EGF: variants seen among roughly 807,000 people sequenced by gnomAD.
The protein encoded by EGF is pro-epidermal growth factor.
A neutral mutation model predicts 143.8 loss-of-function variants in EGF; 95 were observed. The ratio of observed to expected loss-of-function variants is 0.66; its 90% CI spans 0.56 to 0.78. The LOEUF (loss-of-function observed/expected upper bound fraction) is 0.78, where lower values mean the gene tolerates loss of function less well. Ranked by LOEUF, EGF falls within the 30% of genes least tolerant of loss-of-function variation. The pLI is 0.00. For missense variants in EGF, 1,320 were observed against 1,470.9 expected (o/e 0.90, Z 1.68); for synonymous variants, 510 against 510.5 (o/e 1.00, Z 0.01).
chr4:109,978,091 C>T (rs890446606), intron 13 of EGF, among the ~76,000 whole-genome samples: 9 of 152,198 alleles, frequency 5.9e-5, no homozygotes, highest in Non-Finnish European at 1.0e-4. Context: ...TATTACAGTG[C>T]CATCTACTGG....
rs769047429 is a variant in EGF, at chr4:109,999,827, T to TG, written c.3160dup (p.Ala1054GlyfsTer19). 1.2e-6 allele frequency: 2 copies of TG among 1,613,518 alleles called. No individual in the cohort carries two copies. The highest frequency in any genetic ancestry group is 1.7e-6 in the Non-Finnish European group (2 of 1,180,014). ...TGTCATGCTGCTCCTCCTGAGCCTG[T>TG]GGGGGGCCCACTACTACAGGTGACC... On this transcript the variant is annotated frameshift_variant, in exon 21 of 24. Transcript: ENST00000265171. LOFTEE classifies it high-confidence loss of function.
In EGF at chr4:109,913,238, A is replaced by T; in HGVS notation, c.-98A>T. ...TGCCCCAGGGCTGAGGCCTCCGCTC[A>T]GGCAGCCGCATCTGGGGTCAATCAT... On this transcript the variant is annotated 5_prime_UTR_variant, in exon 1 of 24. Transcript: ENST00000265171. The T allele has an allele frequency of 1.3e-6, 2 of 1,513,494 alleles. No homozygotes were observed. Among genetic ancestry groups the T allele is most frequent in the South Asian group, 2.3e-5 (2 of 88,442 alleles). The allele number at this position is 1,513,494 out of a possible 1,614,324, so 93.8% of individuals were successfully genotyped here.
chr4:109,926,999 T>TA (rs996015233), intron 1 of EGF, among the ~76,000 whole-genome samples: 14 of 152,208 alleles, frequency 9.2e-5, no homozygotes, highest in Non-Finnish European at 1.6e-4. Flanking sequence ...TAAGCTATTT[T>TA]AAAAAAATCT....
chr4:109,974,754 C>T lies in EGF; in HGVS notation c.1776C>T (p.Ile592=). The part of the protein sequence containing the change: ...SDLNGKRSKI[I]TKENISQPRG... ...TAAATGGGAAACGTTCCAAAATAATCACTAAGGAGAACATCTCTCAACCAC... is the reference window on the plus strand; with the variant it reads ...TAAATGGGAAACGTTCCAAAATAATTACTAAGGAGAACATCTCTCAACCAC... The change falls in exon 12 of 24, where the codon ATC becomes ATT. Residue 592 remains isoleucine (I), a synonymous_variant. Coordinates refer to ENST00000265171, the MANE Select transcript of EGF (RefSeq NM_001963.6). 2 of 1,613,582 alleles carry T rather than the reference C, an allele frequency of 1.2e-6. No homozygotes were observed. Among genetic ancestry groups the T allele is most frequent in the South Asian group, 1.1e-5 (1 of 91,054 alleles).
At chr4:109,962,977 G>T (rs764679497) in intron 8 of EGF, among the ~76,000 whole-genome samples, 196 bp from the exon 9 acceptor site, 1 of 151,002 alleles carries the variant, frequency 6.6e-6, no homozygotes, top group Non-Finnish European at 1.5e-5. Flanking sequence ...TGAGGCAGGA[G>T]AATTGCTTGA....
intron 19 of EGF, among the ~76,000 whole-genome samples, chr4:109,993,885 C>A (rs1007232592): frequency 6.6e-6 from 1 of 152,094 alleles, no homozygotes; most frequent in African/African-American, 2.4e-5. Context: ...AACATCTCAC[C>A]ATCAGCACCC....
In EGF at chr4:109,934,237, T is replaced by C. The variant is rs192050191; in HGVS notation, c.128-6709T>C. Among the ~76,000 whole-genome samples, 269 of 152,300 alleles carry C rather than the reference T, an allele frequency of 1.8e-3. 6 individuals carry two copies. Among genetic ancestry groups the C allele is most frequent in the Admixed American group, 0.015 (226 of 15,300 alleles). On this transcript the variant is annotated intron_variant, in intron 1 of 23. Coordinates refer to ENST00000265171, the MANE Select transcript of EGF (RefSeq NM_001963.6). The stretch of plus-strand genomic sequence containing the variant: ...ATTTTTGCACATTGATTTTGTATCC[T>C]GAGAGTTTGCTGAAGTTGCCTATCA...
intron 18 of EGF, 33 bp from the exon 19 acceptor site, chr4:109,993,214 C>G: frequency 6.2e-7 from 1 of 1,612,524 alleles, no homozygotes; most frequent in East Asian, 2.2e-5. Flanking sequence ...CTGTACCCCA[C>G]TTTTCTCTCC....
intron 1 of EGF, among the ~76,000 whole-genome samples, chr4:109,928,237 T>C (rs1385030393): frequency 6.6e-6 from 1 of 152,160 alleles, no homozygotes; most frequent in Non-Finnish European, 1.5e-5. Context: ...TAGACATCTA[T>C]AAGCAAAATA....
In EGF at chr4:109,913,273, G is replaced by T; in HGVS notation, c.-63G>T. On this transcript the variant is annotated 5_prime_UTR_variant, in exon 1 of 24. Coordinates refer to ENST00000265171, the MANE Select transcript of EGF (RefSeq NM_001963.6). ...ATCTGGGGTCAATCATACTCACCTT[G>T]CCCGGGCCATGCTCCAGCAAAATCA... The T allele has an allele frequency of 1.2e-6, 2 of 1,605,684 alleles. No homozygotes were observed. The highest frequency in any genetic ancestry group is 1.7e-6 in the Non-Finnish European group (2 of 1,175,176).
At chr4:109,977,970 A>T (rs1249049901) in intron 13 of EGF, among the ~76,000 whole-genome samples, 11 of 152,262 alleles carry the variant, frequency 7.2e-5, no homozygotes, top group Admixed American at 4.6e-4. Context: ...TAAAAAGCAT[A>T]GCAGATACTT....
intron 22 of EGF, among the ~76,000 whole-genome samples, chr4:110,005,036 CTTTTTTT>C (rs538062029): frequency 1.5e-3 from 125 of 80,734 alleles, no homozygotes; most frequent in East Asian, 0.015. Flanking sequence ...TTTTCTCTGT[CTTTTTTT>C]TTTTTTTTTT....
At chr4:109,915,182 G>T (rs1736404094) in intron 1 of EGF, among the ~76,000 whole-genome samples, 1 of 152,194 alleles carries the variant, frequency 6.6e-6, no homozygotes, top group Non-Finnish European at 1.5e-5. Flanking sequence ...TGGGGAGACT[G>T]TGTCACAGAG....
At chr4:109,964,955 A>G (rs992772468) in intron 10 of EGF, among the ~76,000 whole-genome samples, 2 of 152,120 alleles carry the variant, frequency 1.3e-5, no homozygotes, top group African/African-American at 4.8e-5. Context: ...TGTGTTTTAC[A>G]TATGTCTTTT....
chr4:109,972,095 A>T (rs1350029129), intron 11 of EGF, among the ~76,000 whole-genome samples: 1 of 152,108 alleles, frequency 6.6e-6, no homozygotes, highest in African/African-American at 2.4e-5. Context: ...CTCTTACCCT[A>T]GAAGGAGGGT....
rs148281400 is a variant in EGF, at chr4:109,943,374, T to A, written c.448T>A (p.Ser150Thr). Residue 150 changes from serine to threonine, a missense_variant, in exon 3 of 24, where the codon TCC (serine) becomes ACC (threonine). Ser to Thr is a moderately conservative substitution (Grantham distance 58, BLOSUM62 1). This residue lies in a region of EGF where 1,186 missense variants were observed against 1,313.7 expected (regional missense o/e 0.90). Transcript: ENST00000265171. ...AGTAACAGATATGAAAGGAAATAAT[T>A]CCCACATTCTTTTAAGTGCTTTAAA... ...ITVTDMKGNNSHILLSALKYP... is the reference protein window; with the variant it reads ...ITVTDMKGNNTHILLSALKYP... 4.8e-5 allele frequency: 77 copies of A among 1,613,596 alleles called. No homozygotes were observed. The highest frequency in any genetic ancestry group is 6.0e-5 in the Non-Finnish European group (71 of 1,179,772).
rs368323208 is a variant in EGF at position 109,980,941 on chromosome 4, G to A, written c.2337G>A (p.Thr779=). 166 of 1,613,978 alleles carry A rather than the reference G, an allele frequency of 1.0e-4. No homozygotes were observed. The highest frequency in any genetic ancestry group is 3.5e-4 in the South Asian group (32 of 91,088). ...TTATGAAAGCCTCAGATGGGAAAAC[G>A]TGTCTGGCTCTGGATGGTCATCAGC... The part of the protein sequence containing the change: ...EGFMKASDGK[T]CLALDGHQLL... The change falls in exon 15 of 24, where the codon ACG becomes ACA. Residue 779 remains threonine, a synonymous_variant. Coordinates refer to ENST00000265171, the MANE Select transcript of EGF (RefSeq NM_001963.6).
chr4:109,945,954 C>T (rs767241071), intron 5 of EGF, among the ~76,000 whole-genome samples: 5 of 152,132 alleles, frequency 3.3e-5, no homozygotes, highest in Non-Finnish European at 7.4e-5. Flanking sequence ...CTATGTCTTG[C>T]GTTTAGGCAA....
At chr4:109,925,285 A>G (rs1229946067) in intron 1 of EGF, among the ~76,000 whole-genome samples, 1 of 152,250 alleles carries the variant, frequency 6.6e-6, no homozygotes, top group Non-Finnish European at 1.5e-5. Flanking sequence ...GAAAGAATCA[A>G]TGAAAATGTG....
Sources: gnomAD v4.1 joint callset for allele counts (sites outside exome capture counted in the v4.1 genomes callset) on GRCh38, gnomAD v4.1.1 for gene constraint, gnomAD v4.1.1 regional missense constraint, MANE v1.5 for transcripts, NCBI Gene and HGNC (gene_info 2026-07-23, HGNC 2026-07-21) for gene names.